The following CFAP299 variants were observed in gnomAD, a reference collection of about 807,000 sequenced individuals.
CFAP299 encodes cilia and flagella associated protein 299.
In CFAP299, 21 loss-of-function variants were observed where a neutral mutation model predicts 27.0. That is an observed-to-expected ratio of 0.78 (90% CI 0.55 to 1.12). CFAP299 has a LOEUF of 1.12. Ranked by LOEUF, CFAP299 falls within the 50% of genes most tolerant of loss-of-function variation. The pLI, the probability that CFAP299 is intolerant of heterozygous loss-of-function variation, is 0.00. For synonymous variants in CFAP299, 104 were observed against 98.1 expected, an observed-to-expected ratio of 1.06 and a Z score of -0.36; for missense variants, 310 against 276.6, an observed-to-expected ratio of 1.12 and a Z score of -0.86.
chr4:80,937,146 T>A (rs890355146), intron 4 of CFAP299, among the ~76,000 whole-genome samples: 8 of 151,978 alleles, frequency 5.3e-5, no homozygotes, highest in Admixed American at 2.0e-4. Flanking sequence ...GAGTGATACA[T>A]CTTTGTTAAT....
chr4:80,559,152 C>T (rs1004377094), intron 2 of CFAP299, among the ~76,000 whole-genome samples: 4 of 152,122 alleles, frequency 2.6e-5, no homozygotes, highest in African/African-American at 9.7e-5. Context: ...CTGGGAATGG[C>T]TGGAACAGCT....
At chr4:80,799,865 TA>T (rs1470608270) in intron 3 of CFAP299, among the ~76,000 whole-genome samples, 20 of 35,630 alleles carry the variant, frequency 5.6e-4, no homozygotes, top group African/African-American at 1.8e-3. Context: ...AAATATATAT[TA>T]TATATATTAT....
At chr4:80,565,776 T>TA (rs1735251542) in intron 2 of CFAP299, among the ~76,000 whole-genome samples, 1 of 152,122 alleles carries the variant, frequency 6.6e-6, no homozygotes, top group Non-Finnish European at 1.5e-5. Context: ...CTGTTTTGAA[T>TA]AAACACGTTA....
intron 3 of CFAP299, among the ~76,000 whole-genome samples, chr4:80,788,180 T>C (rs1033952861): frequency 2.0e-5 from 3 of 152,024 alleles, no homozygotes; most frequent in Non-Finnish European, 4.4e-5. Context: ...TAGGACTATA[T>C]AGACTTTCCC....
intron 2 of CFAP299, among the ~76,000 whole-genome samples, chr4:80,447,132 T>TGG (rs1306509362): frequency 2.2e-5 from 2 of 91,512 alleles, no homozygotes; most frequent in African/African-American, 5.0e-5. Context: ...TTTTTTTTGT[T>TGG]TTTTTTTTTT....
intron 3 of CFAP299, among the ~76,000 whole-genome samples, chr4:80,722,909 C>CAAA (rs75739402): frequency 3.4e-4 from 51 of 150,414 alleles, no homozygotes; most frequent in African/African-American, 1.2e-3. Flanking sequence ...AAAAACAAAA[C>CAAA]AAAAAAAAAT....
intron 2 of CFAP299, chr4:80,387,429 A>G (rs543853703): frequency 4.1e-4 from 368 of 891,080 alleles, no homozygotes; most frequent in Non-Finnish European, 6.7e-4. Context: ...TGGAACAAGT[A>G]GGAGCTGTAG....
intron 3 of CFAP299, among the ~76,000 whole-genome samples, chr4:80,635,909 GCCCA>G (rs943825511): frequency 1.3e-5 from 2 of 152,040 alleles, no homozygotes; most frequent in African/African-American, 4.8e-5. Flanking sequence ...GTTAAACATG[GCCCA>G]CTGACAATTG....
At chr4:80,803,200 T>C (rs1728699016) in intron 3 of CFAP299, among the ~76,000 whole-genome samples, 1 of 152,028 alleles carries the variant, frequency 6.6e-6, no homozygotes, top group Non-Finnish European at 1.5e-5. Flanking sequence ...ATTCAAAGCC[T>C]CTTTTAGGAA....
At chr4:80,483,507 A>G (rs1255604047) in intron 2 of CFAP299, among the ~76,000 whole-genome samples, 2 of 152,174 alleles carry the variant, frequency 1.3e-5, no homozygotes, top group Non-Finnish European at 2.9e-5. Flanking sequence ...TGTTTTCATT[A>G]TAACCATTAT....
At chr4:80,538,419 G>A (rs1560613737) in intron 2 of CFAP299, among the ~76,000 whole-genome samples, 1 of 151,592 alleles carries the variant, frequency 6.6e-6, no homozygotes, top group Non-Finnish European at 1.5e-5. Flanking sequence ...ACTGTACAGT[G>A]TATGTAAGTC....
chr4:80,597,620 A>G (rs1422907848), intron 3 of CFAP299, among the ~76,000 whole-genome samples: 1 of 152,110 alleles, frequency 6.6e-6, no homozygotes, highest in Non-Finnish European at 1.5e-5. Context: ...TTACAATTAT[A>G]TATTCCTATG....
At chr4:80,747,687 C>T (rs1165113381) in intron 3 of CFAP299, among the ~76,000 whole-genome samples, 1 of 152,044 alleles carries the variant, frequency 6.6e-6, no homozygotes, top group Non-Finnish European at 1.5e-5. Flanking sequence ...TCTTCCCTGA[C>T]ATAGCTAGTA....
At chr4:80,783,074 G>A (rs1727023496) in intron 3 of CFAP299, among the ~76,000 whole-genome samples, 1 of 152,060 alleles carries the variant, frequency 6.6e-6, no homozygotes. Context: ...AGAAATTAGG[G>A]AAAGCAGCTT....
intron 2 of CFAP299, among the ~76,000 whole-genome samples, chr4:80,471,465 C>T (rs1370710016): frequency 2.0e-5 from 3 of 150,694 alleles, no homozygotes; most frequent in African/African-American, 4.9e-5. Context: ...AAAGATCTGG[C>T]GGCATTAATT....
At chr4:80,339,977 A>C (rs922409191) in intron 1 of CFAP299, among the ~76,000 whole-genome samples, 1 of 152,206 alleles carries the variant, frequency 6.6e-6, no homozygotes, top group Non-Finnish European at 1.5e-5. Flanking sequence ...GATAAACAAC[A>C]TGGAGTTTCA....
intron 3 of CFAP299, among the ~76,000 whole-genome samples, chr4:80,692,717 G>A (rs886794463): frequency 1.6e-4 from 24 of 152,192 alleles, no homozygotes; most frequent in Admixed American, 5.9e-4. Flanking sequence ...AAACTAAAGA[G>A]CTTCTGCACA....
intron 3 of CFAP299, among the ~76,000 whole-genome samples, chr4:80,738,131 T>C: frequency 6.6e-6 from 1 of 152,180 alleles, no homozygotes; most frequent in East Asian, 1.9e-4. Flanking sequence ...TTTTAAGACT[T>C]ATTTTGTGAC....
At position 80,609,422 on chromosome 4, in the gene CFAP299, A is replaced by G. The variant is rs563388328; in HGVS notation, c.333+26239A>G. 5.9e-5 allele frequency among the ~76,000 whole-genome samples: 9 copies of G among 152,184 alleles called. No individual in the cohort carries two copies. In the South Asian group the frequency reaches 1.9e-3, roughly 32 times the overall value. On this transcript the variant is annotated intron_variant, in intron 3 of 5. Coordinates refer to ENST00000358105, the MANE Select transcript of CFAP299 (RefSeq NM_152770.3). ...AGAGAAGGAAGCTATTTGGTAGAAG[A>G]AGGATATATTTTTTGAAATGTTTCA...
Sources: allele counts gnomAD v4.1 joint callset (sites outside exome capture counted in the v4.1 genomes callset), GRCh38; gene constraint gnomAD v4.1.1; transcripts MANE v1.5; gene names NCBI Gene and HGNC (gene_info 2026-07-23, HGNC 2026-07-21).